Variants in ZBTB16 observed in about 807,000 individuals in gnomAD.
The protein encoded by ZBTB16 is zinc finger and BTB domain-containing protein 16.
Under a neutral mutation model 56.8 loss-of-function variants are expected in ZBTB16, and 8 were observed. The observed-to-expected ratio is 0.14, with a 90% CI of 0.08 to 0.25. The LOEUF is 0.25. ZBTB16 is among the 10% of genes least tolerant of loss of function. ZBTB16 has a pLI of 1.00. For missense variants in ZBTB16, 625 were observed against 903.0 expected, an observed-to-expected ratio of 0.69 and a Z score of 3.95; for synonymous variants, 363 against 368.5, an observed-to-expected ratio of 0.98 and a Z score of 0.17.
intron 2 of ZBTB16, among the ~76,000 whole-genome samples, chr11:114,119,337 TGTGTGTGTGCGCGC>T (rs1941275719): frequency 7.0e-6 from 1 of 143,302 alleles, no homozygotes; most frequent in Non-Finnish European, 1.5e-5. Flanking sequence ...CGAGTTTGTG[TGTGTGTGTGCGCGC>T]GTGTGTGTGT....
chr11:114,122,318 G>A (rs1429293103), intron 2 of ZBTB16, among the ~76,000 whole-genome samples: 1 of 152,156 alleles, frequency 6.6e-6, no homozygotes, highest in South Asian at 2.1e-4. Flanking sequence ...GTACCTGTTG[G>A]TTTCAATTCA....
intron 3 of ZBTB16, among the ~76,000 whole-genome samples, chr11:114,159,982 G>A (rs1942540755): frequency 6.6e-6 from 1 of 151,496 alleles, no homozygotes; most frequent in Admixed American, 6.6e-5. Flanking sequence ...AGGCTGTGGA[G>A]AAGTGAGTCC....
chr11:114,117,261 T>C (rs1489767103), intron 2 of ZBTB16, among the ~76,000 whole-genome samples: 2 of 152,080 alleles, frequency 1.3e-5, no homozygotes, highest in Non-Finnish European at 2.9e-5. Flanking sequence ...TATCATGAAG[T>C]CTTGCTTGTG....
In ZBTB16 at chr11:114,218,502, G is replaced by A. The variant is rs145586987; in HGVS notation, c.1454-23665G>A. Among the ~76,000 whole-genome samples the A allele has an allele frequency of 2.4e-3, 363 of 152,296 alleles. 1 individual carries two copies. Among genetic ancestry groups the A allele is most frequent in the Middle Eastern group, 3.4e-3 (1 of 294 alleles). On this transcript the variant is annotated intron_variant, in intron 4 of 6. Transcript: ENST00000335953. ...CCTCTACACCCTCCTCCAGTGGCTT[G>A]GCACTTCGGGACCAGCTGCTGGAGT...
chr11:114,115,217 T>C (rs1453204932), intron 2 of ZBTB16, among the ~76,000 whole-genome samples: 1 of 152,102 alleles, frequency 6.6e-6, no homozygotes, highest in East Asian at 1.9e-4. Flanking sequence ...AACCTTTGCT[T>C]TTATAGGTGA....
chr11:114,133,476 A>C (rs576479418), intron 2 of ZBTB16, among the ~76,000 whole-genome samples: 1 of 152,312 alleles, frequency 6.6e-6, no homozygotes, highest in South Asian at 2.1e-4. Flanking sequence ...CTTGGAATTC[A>C]AAAAGCAACA....
At chr11:114,140,898 CTCTG>C (rs1489418530) in intron 2 of ZBTB16, among the ~76,000 whole-genome samples, 1 of 152,200 alleles carries the variant, frequency 6.6e-6, no homozygotes, top group Admixed American at 6.5e-5. Flanking sequence ...GGGCCCTTTT[CTCTG>C]TCTGTCTCCT....
chr11:114,067,016 C>G (rs1307496493), intron 2 of ZBTB16, among the ~76,000 whole-genome samples: 6 of 152,044 alleles, frequency 3.9e-5, no homozygotes, highest in Admixed American at 1.3e-4. Context: ...GCGATCCATC[C>G]ACCTCGGCCT....
chr11:114,064,423 C>T lies in ZBTB16; in HGVS notation c.1123C>T (p.Leu375=), dbSNP rs756880461. ...GGACTTCAGCACCTATGGGGGGCTG[C>T]TGCCCCAGGGCTTCATCCAGAGGGA... The part of the protein sequence containing the change: ...SMDFSTYGGL[L]PQGFIQRELF... Residue 375 remains leucine (L), a synonymous_variant, in exon 2 of 7, where the codon CTG becomes TTG. Transcript: ENST00000335953. The surrounding 1 kb of genome is among the most constrained non-coding windows in gnomAD (Gnocchi z 4.2). The T allele has an allele frequency of 6.2e-7, 1 of 1,614,112 alleles. No individual in the cohort carries two copies. Among genetic ancestry groups the T allele is most frequent in the South Asian group, 1.1e-5 (1 of 91,088 alleles).
At chr11:114,208,551 A>T (rs895570630) in intron 4 of ZBTB16, among the ~76,000 whole-genome samples, 1 of 152,116 alleles carries the variant, frequency 6.6e-6, no homozygotes, top group Admixed American at 6.5e-5. Flanking sequence ...TGTCATTGTG[A>T]TGTTTCCTCT....
intron 2 of ZBTB16, among the ~76,000 whole-genome samples, chr11:114,142,103 T>C (rs1314984709): frequency 6.6e-6 from 1 of 152,248 alleles, no homozygotes; most frequent in East Asian, 1.9e-4. Context: ...GGTGACTTGG[T>C]GACAAATGCT....
At chr11:114,233,283 C>G (rs1944497506) in intron 4 of ZBTB16, among the ~76,000 whole-genome samples, 1 of 151,940 alleles carries the variant, frequency 6.6e-6, no homozygotes, top group Non-Finnish European at 1.5e-5. Flanking sequence ...GGATATTAGT[C>G]TCTGCTGATG....
chr11:114,232,206 A>G (rs1011836681), intron 4 of ZBTB16, among the ~76,000 whole-genome samples: 2 of 152,148 alleles, frequency 1.3e-5, no homozygotes, highest in East Asian at 1.9e-4. Context: ...TGCTCATGCA[A>G]CCTTGCAGAG....
intron 6 of ZBTB16, among the ~76,000 whole-genome samples, chr11:114,249,666 G>A (rs560581315): frequency 7.5e-5 from 11 of 145,790 alleles, no homozygotes; most frequent in Admixed American, 4.8e-4. Flanking sequence ...TCGGGAGGCT[G>A]AGGCAGGAGA....
At chr11:114,120,922 T>C (rs1465383221) in intron 2 of ZBTB16, among the ~76,000 whole-genome samples, 2 of 152,164 alleles carry the variant, frequency 1.3e-5, no homozygotes, top group Non-Finnish European at 2.9e-5. Flanking sequence ...TGGGAAGCCA[T>C]ACAGCCTTGG....
At chr11:114,173,084 A>T (rs900596587) in intron 3 of ZBTB16, among the ~76,000 whole-genome samples, 4 of 152,186 alleles carry the variant, frequency 2.6e-5, no homozygotes, top group African/African-American at 9.7e-5. Context: ...CCACAGCCTG[A>T]GCCACAATTA....
intron 2 of ZBTB16, among the ~76,000 whole-genome samples, chr11:114,110,676 G>A (rs1396445569): frequency 1.3e-5 from 2 of 152,144 alleles, no homozygotes; most frequent in Non-Finnish European, 2.9e-5. Context: ...ATCTAAACAT[G>A]ATTAAGCTGA....
intron 2 of ZBTB16, among the ~76,000 whole-genome samples, chr11:114,078,220 A>C (rs1012746879): frequency 2.6e-5 from 4 of 152,206 alleles, no homozygotes; most frequent in African/African-American, 2.4e-5. Context: ...AGAACATTTC[A>C]TCAAGTGGGT....
At chr11:114,156,502 C>G (rs1942415152) in intron 3 of ZBTB16, 68 bp downstream of exon 3, 1 of 1,473,394 alleles carries the variant, frequency 6.8e-7, no homozygotes. Context: ...TTTACCCCTC[C>G]TCAGAGCCTG....
Sources: gnomAD v4.1 joint callset for allele counts (sites outside exome capture counted in the v4.1 genomes callset) on GRCh38, gnomAD v4.1.1 for gene constraint, Gnocchi (gnomAD v3.1) non-coding constraint, MANE v1.5 for transcripts, NCBI Gene and HGNC (gene_info 2026-07-23, HGNC 2026-07-21) for gene names.